Variants in ATP10B observed in about 807,000 individuals in gnomAD.
ATP10B encodes ATPase phospholipid transporting 10B (putative).
A neutral mutation model predicts 141.2 loss-of-function variants in ATP10B; 122 were observed. The ratio of observed to expected loss-of-function variants is 0.86; its 90% CI spans 0.75 to 1.00. The LOEUF is 1.00. ATP10B is among the 50% of genes least tolerant of loss of function. The probability of loss-of-function intolerance (pLI) is 0.00; values close to 1 mark genes in which losing one functional copy is unlikely to be tolerated. For missense variants in ATP10B, 1,876 were observed against 1,825.3 expected (o/e 1.03, Z -0.51); for synonymous variants, 685 against 692.0 (o/e 0.99, Z 0.16).
intron 22 of ATP10B, among the ~76,000 whole-genome samples, chr5:160,593,205 T>C (rs1289026515): frequency 6.6e-6 from 1 of 152,200 alleles, no homozygotes; most frequent in Non-Finnish European, 1.5e-5. Context: ...GGCCGGGTAC[T>C]TCTCTGAGAC....
chr5:160,909,603 TGAG>T, the ATP10B span, among the ~76,000 whole-genome samples: 1 of 152,234 alleles, frequency 6.6e-6, no homozygotes, highest in Non-Finnish European at 1.5e-5. Flanking sequence ...TAGAGACAGC[TGAG>T]GAGCTGATGT....
intron 13 of ATP10B, among the ~76,000 whole-genome samples, chr5:160,629,569 C>T (rs1229089733): frequency 6.6e-6 from 1 of 152,176 alleles, no homozygotes; most frequent in East Asian, 1.9e-4. Flanking sequence ...CATGGAAACT[C>T]CCCATTTTCT....
At chr5:160,642,530 G>A (rs772587203) in intron 9 of ATP10B, among the ~76,000 whole-genome samples, 1 of 152,146 alleles carries the variant, frequency 6.6e-6, no homozygotes, top group South Asian at 2.1e-4. Flanking sequence ...CTCACTTGGT[G>A]GGGGGTGCTA....
chr5:160,716,788 A>T, intron 3 of ATP10B, 121 bp downstream of exon 3: 1 of 669,064 alleles, frequency 1.5e-6, no homozygotes, highest in Non-Finnish European at 1.8e-6. Context: ...CATCATCCTT[A>T]GCTCTGGTTT....
intron 7 of ATP10B, among the ~76,000 whole-genome samples, chr5:160,662,731 C>T (rs1490134788): frequency 6.6e-6 from 1 of 152,170 alleles, no homozygotes; most frequent in African/African-American, 2.4e-5. Context: ...AGGACATAGG[C>T]ATGGGCAAGG....
chr5:160,691,620 C>A (rs931781344), intron 3 of ATP10B: 15 of 152,298 alleles, frequency 9.8e-5, no homozygotes, highest in African/African-American at 3.6e-4. Context: ...AATTACCCAG[C>A]TTGTCATGGT....
intron 2 of ATP10B, among the ~76,000 whole-genome samples, chr5:160,755,254 A>C (rs1287507400): frequency 6.6e-6 from 1 of 151,936 alleles, no homozygotes; most frequent in Non-Finnish European, 1.5e-5. Context: ...ATCTCCTGAG[A>C]ACTCACTCAC....
chr5:160,842,960 C>A (rs1425911591), intron 1 of ATP10B, among the ~76,000 whole-genome samples: 1 of 151,942 alleles, frequency 6.6e-6, no homozygotes, highest in Non-Finnish European at 1.5e-5. Flanking sequence ...GACAGCAGAG[C>A]ATTGATACCA....
At chr5:160,594,705 A>C (rs914733722) in intron 22 of ATP10B, among the ~76,000 whole-genome samples, 32 of 151,344 alleles carry the variant, frequency 2.1e-4, no homozygotes, top group South Asian at 1.5e-3. Flanking sequence ...TCTACCAAGC[A>C]AATGGAAAAC....
At chr5:160,637,461 G>A (rs1261143048) in intron 10 of ATP10B, among the ~76,000 whole-genome samples, 2 of 152,148 alleles carry the variant, frequency 1.3e-5, no homozygotes, top group African/African-American at 4.8e-5. Context: ...AGGGAGCCAG[G>A]CATAAAAGGA....
chr5:160,685,394 A>T, intron 6 of ATP10B: 1 of 492,552 alleles, frequency 2.0e-6, no homozygotes, highest in South Asian at 3.9e-5. Context: ...ACAGGTGTGT[A>T]TCCACCAGGC....
intron 2 of ATP10B, among the ~76,000 whole-genome samples, chr5:160,733,126 T>G (rs1163175903): frequency 2.6e-5 from 4 of 152,224 alleles, no homozygotes; most frequent in African/African-American, 4.8e-5. Context: ...CTTCTGAAAT[T>G]TCTTTCAACT....
the ATP10B span, among the ~76,000 whole-genome samples, chr5:160,863,023 T>C: frequency 1.3e-4 from 20 of 152,134 alleles, no homozygotes; most frequent in Non-Finnish European, 2.4e-4. Flanking sequence ...GATATGATTA[T>C]TCACCTCTAA....
intron 2 of ATP10B, among the ~76,000 whole-genome samples, chr5:160,765,956 G>A (rs1408195895): frequency 6.6e-6 from 1 of 152,076 alleles, no homozygotes; most frequent in African/African-American, 2.4e-5. Flanking sequence ...ATGAAAAAAT[G>A]CTCAACATCA....
chr5:160,797,016 T>TC (rs1183299467), intron 1 of ATP10B, among the ~76,000 whole-genome samples: 1 of 152,088 alleles, frequency 6.6e-6, no homozygotes, highest in African/African-American at 2.4e-5. Context: ...TACAATCTGT[T>TC]CCAGCTGCTT....
At chr5:160,916,117 A>G in the ATP10B span, among the ~76,000 whole-genome samples, 1 of 152,164 alleles carries the variant, frequency 6.6e-6, no homozygotes, top group Non-Finnish European at 1.5e-5. Flanking sequence ...GTATATCCCT[A>G]GTCTACAGAT....
Position 160,569,535 on chromosome 5 carries a change from A to T in ATP10B, c.3899T>A (p.Leu1300His), listed in dbSNP as rs1321189213. 3.1e-6 allele frequency: 5 copies of T among 1,613,804 alleles called. No homozygotes were observed. In the Admixed American group the frequency reaches 8.3e-5, roughly 27 times the overall value. Residue 1300 changes from leucine to histidine, a missense_variant, in exon 25 of 26, where the codon CTC becomes CAC. Physicochemically the swap from Leu to His is moderately conservative, Grantham distance 99 (BLOSUM62 -3). Coordinates refer to ENST00000327245, the MANE Select transcript of ATP10B (RefSeq NM_025153.3). ...EGQLSNPTFY[L>H]VCFLTPVVAL... ...AACAACTGGTGTGAGAAAGCAGACG[A>T]GGTAGAAAGTGGGGTTTGAGAGCTG...
At chr5:160,642,685 T>C (rs1461285764) in intron 9 of ATP10B, among the ~76,000 whole-genome samples, 1 of 152,232 alleles carries the variant, frequency 6.6e-6, no homozygotes, top group Non-Finnish European at 1.5e-5. Flanking sequence ...ACAACTGGTA[T>C]CTTCTTTCTC....
chr5:160,869,129 T>C, the ATP10B span, among the ~76,000 whole-genome samples: 1 of 152,200 alleles, frequency 6.6e-6, no homozygotes, highest in African/African-American at 2.4e-5. Flanking sequence ...AAATTATGTA[T>C]ATAAATATAT....
Sources: gnomAD v4.1 joint callset for allele counts (sites outside exome capture counted in the v4.1 genomes callset) on GRCh38, gnomAD v4.1.1 for gene constraint, MANE v1.5 for transcripts, NCBI Gene and HGNC (gene_info 2026-07-23, HGNC 2026-07-21) for gene names.